SPIDR: variants seen among roughly 807,000 people sequenced by gnomAD.
The protein encoded by SPIDR is scaffold protein involved in DNA repair.
Under a neutral mutation model 104.6 loss-of-function variants are expected in SPIDR, and 93 were observed. The ratio of observed to expected loss-of-function variants is 0.89; its 90% confidence interval spans 0.75 to 1.06. The LOEUF (loss-of-function observed/expected upper bound fraction) is 1.06. Ranked by LOEUF, SPIDR falls within the 50% of genes least tolerant of loss-of-function variation. The pLI is 0.00. For missense variants in SPIDR, 1,154 were observed against 1,111.2 expected (o/e 1.04, Z -0.55); for synonymous variants, 431 against 416.9 (o/e 1.03, Z -0.41).
chr8:47,545,554 C>T (rs1446564790), intron 8 of SPIDR, among the ~76,000 whole-genome samples: 3 of 151,998 alleles, frequency 2.0e-5, no homozygotes, highest in Non-Finnish European at 4.4e-5. Flanking sequence ...CATAACTTCT[C>T]CATAGGCAAT....
chr8:47,557,669 A>G (rs188346395), intron 8 of SPIDR, among the ~76,000 whole-genome samples: 4 of 152,330 alleles, frequency 2.6e-5, no homozygotes, highest in African/African-American at 7.2e-5. Flanking sequence ...ATGGTTGGCT[A>G]TCTCTTAAAT....
intron 7 of SPIDR, among the ~76,000 whole-genome samples, chr8:47,427,975 T>G (rs2066712346): frequency 6.6e-6 from 1 of 152,220 alleles, no homozygotes; most frequent in South Asian, 2.1e-4. Flanking sequence ...CAGGCTGGAA[T>G]GCAGTGGCAC....
chr8:47,459,338 G>T (rs782433133), intron 8 of SPIDR, among the ~76,000 whole-genome samples: 2 of 151,986 alleles, frequency 1.3e-5, no homozygotes, highest in Non-Finnish European at 2.9e-5. Flanking sequence ...TCTGTTCAGG[G>T]TTTCTAATTC....
intron 10 of SPIDR, among the ~76,000 whole-genome samples, chr8:47,608,991 T>C (rs2063308953): frequency 6.6e-6 from 1 of 152,226 alleles, no homozygotes; most frequent in Non-Finnish European, 1.5e-5. Flanking sequence ...CCTCCCAAAG[T>C]GTTGGGATTA....
At chr8:47,407,413 C>CTA (rs1421818719) in intron 6 of SPIDR, among the ~76,000 whole-genome samples, 6 of 152,186 alleles carry the variant, frequency 3.9e-5, no homozygotes, top group Non-Finnish European at 7.3e-5. Flanking sequence ...TTCTTTGCTC[C>CTA]TATGTGCTGA....
chr8:47,403,521 A>G (rs1487695278), intron 6 of SPIDR, among the ~76,000 whole-genome samples: 2 of 152,214 alleles, frequency 1.3e-5, no homozygotes, highest in Non-Finnish European at 2.9e-5. Flanking sequence ...GGGATACAAA[A>G]TCAATGTGCA....
chr8:47,483,692 G>A lies in SPIDR; in HGVS notation c.1097+43150G>A, dbSNP rs562958020. ...TAATGTATGCTCTTTTTTCTAGGGA[G>A]AAGATCCCTTTATATTTGATTGTCA... On this transcript the variant is annotated intron_variant, in intron 8 of 19. Coordinates refer to ENST00000297423, the MANE Select transcript of SPIDR (RefSeq NM_001080394.4). 3.3e-4 allele frequency among the ~76,000 whole-genome samples: 50 copies of A among 152,302 alleles called. No homozygotes were observed. In the South Asian group the frequency reaches 9.5e-3, roughly 29 times the overall value.
chr8:47,282,090 A>G (rs2037911829), intron 2 of SPIDR, among the ~76,000 whole-genome samples: 1 of 152,240 alleles, frequency 6.6e-6, no homozygotes, highest in Non-Finnish European at 1.5e-5. Flanking sequence ...TCTTCTGAGC[A>G]GATCTCAACA....
At chr8:47,421,314 A>C (rs545231690) in intron 7 of SPIDR, among the ~76,000 whole-genome samples, 279 of 151,982 alleles carry the variant, frequency 1.8e-3, no homozygotes, top group Non-Finnish European at 3.1e-3. Context: ...CATTTCTTTT[A>C]ATTCTTTTTT....
At chr8:47,698,959 A>T (rs757718087) in intron 11 of SPIDR, among the ~76,000 whole-genome samples, 1 of 152,180 alleles carries the variant, frequency 6.6e-6, no homozygotes, top group Non-Finnish European at 1.5e-5. Context: ...GGAAACTCCA[A>T]ATTTTTAGGG....
chr8:47,459,362 C>T (rs1294877146), intron 8 of SPIDR, among the ~76,000 whole-genome samples: 2 of 151,870 alleles, frequency 1.3e-5, no homozygotes, highest in African/African-American at 4.8e-5. Flanking sequence ...CTGATTTAAG[C>T]TTCCTGTATC....
intron 11 of SPIDR, among the ~76,000 whole-genome samples, chr8:47,684,777 C>T (rs1233927103): frequency 6.6e-6 from 1 of 152,132 alleles, no homozygotes; most frequent in Non-Finnish European, 1.5e-5. Context: ...AAAAATGATA[C>T]AGTTTGAAAG....
chr8:47,713,605 T>C lies in SPIDR; in HGVS notation c.2305T>C (p.Ser769Pro). ...CCCGGTGATGCTCGACAGCCTGGAC[T>C]CTGCAACACCTGTCAACTCCATCTG... ...PGPVMLDSLD[S>P]ATPVNSICSV... The change falls in exon 16 of 20, where the codon TCT becomes CCT. Residue 769 changes from serine to proline, a missense_variant. Transcript: ENST00000297423. The C allele has an allele frequency of 6.2e-7, 1 of 1,614,208 alleles. No homozygotes were observed. The highest frequency in any genetic ancestry group is 8.5e-7 in the Non-Finnish European group (1 of 1,180,038).
intron 8 of SPIDR, among the ~76,000 whole-genome samples, chr8:47,504,628 C>G (rs571968652): frequency 5.0e-4 from 76 of 152,332 alleles, no homozygotes; most frequent in African/African-American, 1.8e-3. Context: ...GCCTTCTTCT[C>G]TCAACTCGTC....
intron 10 of SPIDR, among the ~76,000 whole-genome samples, chr8:47,661,382 G>A (rs150890070): frequency 3.3e-5 from 5 of 152,212 alleles, no homozygotes; most frequent in Admixed American, 6.5e-5. Context: ...CAGAGAAGTC[G>A]CCTGCAGCCC....
rs1396154727 is a variant in SPIDR, at chr8:47,728,965, T to A, written c.2468T>A (p.Val823Glu). 2.5e-6 allele frequency: 4 copies of A among 1,613,572 alleles called. No homozygotes were observed. Among genetic ancestry groups the A allele is most frequent in the Admixed American group, 1.7e-5 (1 of 59,934 alleles). The change falls in exon 18 of 20, where the codon GTG becomes GAG. Residue 823 changes from valine (V) to glutamate (E), a missense_variant. Transcript: ENST00000297423. ...TTTTCCTGTGGGGACTGCTCCCGGG[T>A]GGTCACATCTCCTGTTCTCAAGAGG... ...GAFSCGDCSRVVTSPVLKRHL... is the reference protein window; with the variant it reads ...GAFSCGDCSREVTSPVLKRHL...
chr8:47,417,039 G>C (rs1464698045), intron 7 of SPIDR, among the ~76,000 whole-genome samples: 1 of 152,050 alleles, frequency 6.6e-6, no homozygotes, highest in African/African-American at 2.4e-5. Flanking sequence ...TTGGACATTT[G>C]GGTTGGTTCC....
chr8:47,267,883 C>T (rs7839134), intron 1 of SPIDR, among the ~76,000 whole-genome samples: 77,212 of 151,942 alleles, frequency 0.51, 23,603 homozygotes, highest in African/African-American at 0.87. Context: ...TTGTGCTTTT[C>T]GGTGTCATGT....
chr8:47,280,737 T>A (rs1284980601), intron 2 of SPIDR, among the ~76,000 whole-genome samples: 1 of 152,140 alleles, frequency 6.6e-6, no homozygotes, highest in African/African-American at 2.4e-5. Context: ...AGGGTCTTGC[T>A]GTGTTGCCTA....
Sources: allele counts gnomAD v4.1 joint callset (sites outside exome capture counted in the v4.1 genomes callset), GRCh38; gene constraint gnomAD v4.1.1; transcripts MANE v1.5; gene names NCBI Gene and HGNC (gene_info 2026-07-23, HGNC 2026-07-21).